The following OR8S1 variants were observed in gnomAD, a reference collection of about 807,000 sequenced individuals.
OR8S1 encodes olfactory receptor family 8 subfamily S member 1.
For synonymous variants in OR8S1, 150 were observed against 151.4 expected (o/e 0.99, Z 0.07); for missense variants, 362 against 372.1 (o/e 0.97, Z 0.22).
At chr12:48,525,692 C>T (rs947716615) in exon 1 of OR8S1, 1 of 1,614,156 alleles carries the variant, frequency 6.2e-7, no homozygotes, top group Non-Finnish European at 8.5e-7. Flanking sequence ...GTCTGCCGAC[C>T]CCAACATCCG....
exon 1 of OR8S1, chr12:48,526,141 A>C (rs1459860174): frequency 3.1e-6 from 5 of 1,614,184 alleles, no homozygotes; most frequent in Non-Finnish European, 4.2e-6. Flanking sequence ...TCTTTTGTGA[A>C]GCCAAAATCA....
At chr12:48,526,468 C>T in exon 1 of OR8S1, 2 of 1,612,294 alleles carry the variant, frequency 1.2e-6, no homozygotes, top group Non-Finnish European at 1.7e-6. Flanking sequence ...ATACTGTAGT[C>T]ACTCCCATGC....
rs530830187 is a variant in OR8S1 at position 48,526,326 on chromosome 12, C to T, written c.695C>T (p.Ser232Leu). The change falls in exon 1 of 1, where the codon TCG becomes TTG. Residue 232 changes from serine to leucine, a missense_variant. Ser to Leu is a moderately radical substitution (Grantham distance 145, BLOSUM62 -2). Transcript: ENST00000641651. ...ACCATCCTAAGCATCAGCTCTACCT[C>T]GGGCAGAAGCAAGGCCTTCTCCACC... 4.0e-5 allele frequency: 64 copies of T among 1,614,108 alleles called. 1 individual carries two copies. The South Asian group carries it at 6.4e-4, about 16-fold the overall frequency.
chr12:48,526,341 C>G (rs370071506), exon 1 of OR8S1: 6 of 1,613,988 alleles, frequency 3.7e-6, no homozygotes, highest in African/African-American at 1.3e-5. Flanking sequence ...AGAAGCAAGG[C>G]CTTCTCCACC....
chr12:48,526,404 G>A (rs765484671), exon 1 of OR8S1: 29 of 1,613,896 alleles, frequency 1.8e-5, no homozygotes, highest in South Asian at 4.4e-5. Context: ...GGTTTGCTCC[G>A]CCATCTCATG....
At chr12:48,525,874 G>A (rs1938213707) in exon 1 of OR8S1, 1 of 1,614,160 alleles carries the variant, frequency 6.2e-7, no homozygotes, top group African/African-American at 1.3e-5. Context: ...TGCCCAAGAT[G>A]CTGGAGAACC....
chr12:48,525,925 G>C, exon 1 of OR8S1: 1 of 1,614,194 alleles, frequency 6.2e-7, no homozygotes, highest in Non-Finnish European at 8.5e-7. Context: ...AGGGCTGCCT[G>C]GCTCAGGTCT....
exon 1 of OR8S1, chr12:48,526,049 C>A (rs771643743): frequency 1.9e-6 from 3 of 1,614,156 alleles, no homozygotes; most frequent in South Asian, 1.1e-5. Flanking sequence ...GGGTAAACAG[C>A]TGTATATGCA....
At chr12:48,526,068 G>T (rs759609956) in exon 1 of OR8S1, 1 of 1,614,118 alleles carries the variant, frequency 6.2e-7, no homozygotes, top group Admixed American at 1.7e-5. Context: ...CACCTTGTGT[G>T]GGGCTCATGG....
chr12:48,526,424 G>C (rs1013824546), exon 1 of OR8S1: 6 of 1,614,014 alleles, frequency 3.7e-6, no homozygotes, highest in Middle Eastern at 1.6e-4. Flanking sequence ...GCCAAACTCA[G>C]GTTCCCCCAT....
chr12:48,526,487 C>T, exon 1 of OR8S1: 1 of 1,610,372 alleles, frequency 6.2e-7, no homozygotes, highest in South Asian at 1.1e-5. Flanking sequence ...GCTGAATTCC[C>T]TCATCTATAG....
chr12:48,526,243 C>T (rs777405399), exon 1 of OR8S1: 1 of 1,613,918 alleles, frequency 6.2e-7, no homozygotes, highest in South Asian at 1.1e-5. Flanking sequence ...GCTCCACTCT[C>T]CTACATGGGC....
rs201472522 is a variant in OR8S1, at chr12:48,525,866, C to A, written c.235C>A (p.Pro79Thr). ...TCTCTGCTTCTCTTCAGTCATTGTG[C>A]CCAAGATGCTGGAGAACCTCCTGTC... is the stretch of plus-strand genomic sequence containing the variant. Residue 79 changes from proline to threonine, a missense_variant, in exon 1 of 1, where the codon CCC (proline) becomes ACC (threonine). Transcript: ENST00000641651. 9.3e-6 allele frequency: 15 copies of A among 1,614,008 alleles called. No individual in the cohort carries two copies. The Middle Eastern group carries it at 1.3e-3, about 141-fold the overall frequency.
chr12:48,526,416 CA>C lies in OR8S1; in HGVS notation c.788del (p.Asn263ThrfsTer6). ...TCAGGTTTGCTCCGCCATCTCATGC[CA>C]AACTCAGGTTCCCCCATAGAGTTGA... On this transcript the variant is annotated frameshift_variant, in exon 1 of 1. Transcript: ENST00000641651. LOFTEE classifies it low-confidence loss of function (END_TRUNC). 4 of 1,614,118 alleles carry C rather than the reference CA, an allele frequency of 2.5e-6. No individual in the cohort carries two copies. The highest frequency in any genetic ancestry group is 1.3e-5 in the African/African-American group (1 of 75,052).
exon 1 of OR8S1, chr12:48,525,676 T>G: frequency 6.2e-7 from 1 of 1,614,128 alleles, no homozygotes; most frequent in Non-Finnish European, 8.5e-7. Flanking sequence ...TCCTCCTCCT[T>G]GGGCTGTCTG....
chr12:48,526,133 T>A (rs1938217344), exon 1 of OR8S1: 17 of 1,614,196 alleles, frequency 1.1e-5, no homozygotes, highest in Non-Finnish European at 1.4e-5. Context: ...AAACATGGTC[T>A]TTTGTGAAGC....
chr12:48,526,364 C>A, exon 1 of OR8S1: 1 of 1,614,180 alleles, frequency 6.2e-7, no homozygotes, highest in Non-Finnish European at 8.5e-7. Flanking sequence ...CTCTGCCCAC[C>A]TCACTGCAGT....
chr12:48,526,034 A>G lies in OR8S1; in HGVS notation c.403A>G (p.Ile135Val). The G allele has an allele frequency of 6.2e-7, 1 of 1,614,122 alleles. No individual in the cohort carries two copies. Among genetic ancestry groups the G allele is most frequent in the Non-Finnish European group, 8.5e-7 (1 of 1,180,010 alleles). The stretch of plus-strand genomic sequence containing the variant: ...CTGCCGCCCACTACTTTATGGACAG[A>G]TCATGGGTAAACAGCTGTATATGCA... Residue 135 changes from isoleucine to valine, a missense_variant, in exon 1 of 1, where the codon ATC becomes GTC. Coordinates refer to ENST00000641651, the Ensembl canonical transcript of OR8S1.
exon 1 of OR8S1, chr12:48,525,844 C>T: frequency 6.2e-7 from 1 of 1,614,156 alleles, no homozygotes; most frequent in East Asian, 2.2e-5. Flanking sequence ...TTGTTGATCT[C>T]TGCTTCTCTT....
Sources: allele counts gnomAD v4.1 joint callset, GRCh38; gene constraint gnomAD v4.1.1; transcripts MANE v1.5; gene names NCBI Gene and HGNC (gene_info 2026-07-23, HGNC 2026-07-21).